CSMD1: variants seen among roughly 807,000 people sequenced by gnomAD.
CSMD1 encodes the protein CUB and Sushi multiple domains 1, also known as CUB and sushi domain-containing protein 1.
CSMD1 carries 213 observed loss-of-function variants against 417.5 expected under a neutral mutation model. That is an observed-to-expected ratio of 0.51 (90% CI 0.46 to 0.57). The LOEUF is 0.57. Ranked by LOEUF, CSMD1 falls within the 20% of genes least tolerant of loss-of-function variation. The pLI is 0.00. For missense variants in CSMD1, 6,923 were observed against 4,529.7 expected (o/e 1.53, Z -15.17); for synonymous variants, 2,862 against 1,736.8 (o/e 1.65, Z -16.11).
intron 7 of CSMD1, among the ~76,000 whole-genome samples, chr8:3,630,621 G>T (rs1220654245): frequency 1.3e-5 from 2 of 152,194 alleles, no homozygotes; most frequent in Admixed American, 6.5e-5. Context: ...GGGCTGGCAT[G>T]CTGAGTGAGG....
rs572204142 is a variant in CSMD1, at chr8:4,224,198, G to A, written c.416-192099C>T. ...TATAGACAAGTGAAAGTTATGCAAA[G>A]CGTTTGTGATCCAAGTCCTAAAAAG... is the stretch of plus-strand genomic sequence containing the variant. On this transcript the variant is annotated intron_variant, in intron 3 of 69. Transcript: ENST00000635120. 1.2e-3 allele frequency among the ~76,000 whole-genome samples: 174 copies of A among 149,020 alleles called. 1 individual carries two copies. Among genetic ancestry groups the A allele is most frequent in the Non-Finnish European group, 1.3e-3 (86 of 67,692 alleles).
intron 12 of CSMD1, among the ~76,000 whole-genome samples, chr8:3,463,028 C>A (rs1033662038): frequency 6.6e-6 from 1 of 152,200 alleles, no homozygotes; most frequent in Admixed American, 6.5e-5. Context: ...CATCTATGAA[C>A]CAGGAAACGG....
intron 1 of CSMD1, among the ~76,000 whole-genome samples, chr8:4,842,852 T>C (rs961570027): frequency 6.6e-6 from 1 of 152,196 alleles, no homozygotes; most frequent in African/African-American, 2.4e-5. Flanking sequence ...TTAAATCTTT[T>C]TTCAACGCTT....
rs372600410 is a variant in CSMD1 at position 4,924,784 on chromosome 8, A to C, written c.85+69548T>G. On this transcript the variant is annotated intron_variant, in intron 1 of 69. Coordinates refer to ENST00000635120, the MANE Select transcript of CSMD1 (RefSeq NM_033225.6). Reference sequence around the variant, plus strand: ...TTTATAAACATTTTAAAATCACTCAAACTTTTTGACATATGTATCATATTG... The same window carrying C: ...TTTATAAACATTTTAAAATCACTCACACTTTTTGACATATGTATCATATTG... 4.3e-4 allele frequency among the ~76,000 whole-genome samples: 66 copies of C among 151,982 alleles called. No individual in the cohort carries two copies. The East Asian group carries it at 7.5e-3, about 17-fold the overall frequency.
chr8:4,524,152 A>G (rs1450660869), intron 2 of CSMD1, among the ~76,000 whole-genome samples: 1 of 152,142 alleles, frequency 6.6e-6, no homozygotes, highest in Non-Finnish European at 1.5e-5. Context: ...CCTATGCATC[A>G]TATTTGTATG....
At chr8:4,374,957 G>A (rs1440043678) in intron 3 of CSMD1, among the ~76,000 whole-genome samples, 1 of 81,958 alleles carries the variant, frequency 1.2e-5, no homozygotes, top group African/African-American at 5.1e-5. Context: ...AGACAAAGGT[G>A]GGGTGGGGGG....
chr8:4,321,028 T>C (rs1456099538), intron 3 of CSMD1, among the ~76,000 whole-genome samples: 1 of 152,158 alleles, frequency 6.6e-6, no homozygotes, highest in African/African-American at 2.4e-5. Context: ...CCATACACAT[T>C]CATATTTTCA....
chr8:4,176,694 G>T, intron 3 of CSMD1, among the ~76,000 whole-genome samples: 2 of 150,896 alleles, frequency 1.3e-5, no homozygotes, highest in Non-Finnish European at 1.5e-5. Flanking sequence ...CATCTCACGT[G>T]CAGAGACACA....
At chr8:3,510,448 G>A (rs1171100237) in intron 10 of CSMD1, among the ~76,000 whole-genome samples, 3 of 151,834 alleles carry the variant, frequency 2.0e-5, no homozygotes, top group Non-Finnish European at 4.4e-5. Flanking sequence ...AAGTTACTCA[G>A]CCCAGTCCCC....
intron 5 of CSMD1, among the ~76,000 whole-genome samples, chr8:3,784,614 C>G (rs541279977): frequency 4.2e-4 from 64 of 152,010 alleles, no homozygotes; most frequent in Non-Finnish European, 8.4e-4. Context: ...TAGCAAAGAA[C>G]AGAAAAATGA....
At chr8:2,974,272 C>A (rs917115584) in intron 56 of CSMD1, among the ~76,000 whole-genome samples, 179 bp downstream of exon 56, 17 of 152,196 alleles carry the variant, frequency 1.1e-4, no homozygotes. Flanking sequence ...ACGATTATTG[C>A]GAAGATGAAG....
At chr8:3,321,886 T>C (rs534756907) in intron 23 of CSMD1, among the ~76,000 whole-genome samples, 1 of 152,218 alleles carries the variant, frequency 6.6e-6, no homozygotes, top group Non-Finnish European at 1.5e-5. Flanking sequence ...AAAATAGCAC[T>C]CAACCAGAAA....
intron 12 of CSMD1, among the ~76,000 whole-genome samples, chr8:3,436,539 A>G (rs1249551266): frequency 6.6e-6 from 1 of 152,176 alleles, no homozygotes; most frequent in African/African-American, 2.4e-5. Flanking sequence ...GGCTTTAACT[A>G]TATCATTGTT....
intron 25 of CSMD1, among the ~76,000 whole-genome samples, chr8:3,295,860 C>G (rs7825824): frequency 0.035 from 5,315 of 152,192 alleles, 237 homozygotes; most frequent in African/African-American, 0.097. Flanking sequence ...AAGACGTTCC[C>G]TTTTTGATTT....
chr8:4,332,827 T>C (rs1034845514), intron 3 of CSMD1, among the ~76,000 whole-genome samples: 1 of 152,072 alleles, frequency 6.6e-6, no homozygotes, highest in African/African-American at 2.4e-5. Flanking sequence ...AGGGAAACTT[T>C]ATTTAGCTGA....
intron 26 of CSMD1, among the ~76,000 whole-genome samples, chr8:3,266,929 G>A (rs1478578243): frequency 1.3e-5 from 2 of 152,184 alleles, no homozygotes; most frequent in Admixed American, 6.5e-5. Flanking sequence ...GTCAAGAAAT[G>A]CAGACAGCCA....
intron 3 of CSMD1, among the ~76,000 whole-genome samples, chr8:4,411,595 T>C (rs1326214847): frequency 2.0e-5 from 3 of 152,194 alleles, no homozygotes; most frequent in African/African-American, 4.8e-5. Context: ...ATAACAGTTA[T>C]ACGGAGAAAA....
At chr8:3,316,788 C>T (rs915149342) in intron 23 of CSMD1, among the ~76,000 whole-genome samples, 1 of 152,030 alleles carries the variant, frequency 6.6e-6, no homozygotes, top group Non-Finnish European at 1.5e-5. Context: ...ACCAACTCAG[C>T]GTGCAGTGGG....
chr8:4,320,024 C>A (rs776585699), intron 3 of CSMD1, among the ~76,000 whole-genome samples: 9 of 152,060 alleles, frequency 5.9e-5, no homozygotes, highest in Non-Finnish European at 1.0e-4. Context: ...CAAAGTACCA[C>A]CTCAACAATG....
Sources: allele counts gnomAD v4.1 joint callset (sites outside exome capture counted in the v4.1 genomes callset), GRCh38; gene constraint gnomAD v4.1.1; transcripts MANE v1.5; gene names NCBI Gene and HGNC (gene_info 2026-07-23, HGNC 2026-07-21).